The following IL34 variants were observed in gnomAD, a reference collection of about 807,000 sequenced individuals.
IL34 encodes interleukin-34.
IL34 carries 17 observed loss-of-function variants against 25.3 expected under a neutral mutation model. The observed-to-expected ratio is 0.67, with a 90% confidence interval of 0.46 to 1.01. IL34 has a LOEUF of 1.01. IL34 is among the 50% of genes least tolerant of loss of function. The pLI is 0.00. For missense variants in IL34, 368 were observed against 312.9 expected (o/e 1.18, Z -1.33); for synonymous variants, 174 against 140.9 (o/e 1.23, Z -1.66).
At chr16:70,609,039 A>ATT (rs533612107) in intron 1 of IL34, among the ~76,000 whole-genome samples, 1 of 151,814 alleles carries the variant, frequency 6.6e-6, no homozygotes, top group Non-Finnish European at 1.5e-5. Flanking sequence ...TAATTCTTTT[A>ATT]TTTTTTATTT....
intron 1 of IL34, among the ~76,000 whole-genome samples, chr16:70,625,534 C>T (rs2051373430): frequency 6.6e-6 from 1 of 152,072 alleles, no homozygotes; most frequent in South Asian, 2.1e-4. Context: ...GGGGAACTTG[C>T]CCCTCCCCCA....
chr16:70,653,488 C>G (rs1045898593), intron 1 of IL34, among the ~76,000 whole-genome samples: 5 of 152,052 alleles, frequency 3.3e-5, no homozygotes, highest in African/African-American at 1.2e-4. Flanking sequence ...TGCTTGAGCT[C>G]AGGAGTTCGA....
intron 1 of IL34, among the ~76,000 whole-genome samples, chr16:70,613,531 G>C (rs1055033432): frequency 6.6e-6 from 1 of 152,176 alleles, no homozygotes; most frequent in Non-Finnish European, 1.5e-5. Flanking sequence ...GGTACTCAAA[G>C]TGTGGTCTGC....
intron 1 of IL34, among the ~76,000 whole-genome samples, chr16:70,652,812 C>T (rs527611505): frequency 3.3e-5 from 5 of 152,298 alleles, no homozygotes; most frequent in East Asian, 1.9e-4. Flanking sequence ...GCGGATACTA[C>T]TAAATCGATT....
intron 1 of IL34, among the ~76,000 whole-genome samples, chr16:70,615,827 C>G (rs1330366522): frequency 6.6e-6 from 1 of 152,056 alleles, no homozygotes; most frequent in Admixed American, 6.6e-5. Flanking sequence ...GTGGTGCACA[C>G]CCGTGGTCTC....
chr16:70,599,809 G>C (rs1394285004), intron 1 of IL34, among the ~76,000 whole-genome samples: 1 of 151,764 alleles, frequency 6.6e-6, no homozygotes, highest in Non-Finnish European at 1.5e-5. Flanking sequence ...CAAGAAGCTA[G>C]AACCATAAGC....
chr16:70,650,609 A>G (rs1342106722), intron 1 of IL34, among the ~76,000 whole-genome samples: 1 of 152,188 alleles, frequency 6.6e-6, no homozygotes, highest in Non-Finnish European at 1.5e-5. Flanking sequence ...TTTTTAAAGA[A>G]AAGCTGAAAT....
chr16:70,650,911 A>G (rs112949831), intron 1 of IL34, among the ~76,000 whole-genome samples: 1 of 152,232 alleles, frequency 6.6e-6, no homozygotes, highest in South Asian at 2.1e-4. Context: ...TGGGCTGTGC[A>G]GTGTTTAACT....
At chr16:70,609,590 G>A (rs1039397202) in intron 1 of IL34, among the ~76,000 whole-genome samples, 3 of 152,188 alleles carry the variant, frequency 2.0e-5, no homozygotes, top group Admixed American at 1.3e-4. Flanking sequence ...CTGGCACCTG[G>A]GAAATGCTGG....
chr16:70,645,544 G>A (rs1039587712), upstream of IL34, among the ~76,000 whole-genome samples: 2 of 152,174 alleles, frequency 1.3e-5, 1 homozygote, highest in Admixed American at 1.3e-4. Flanking sequence ...GTCCAGAGGG[G>A]CAGATGGGAG....
chr16:70,620,562 G>T (rs1350941605), intron 1 of IL34, among the ~76,000 whole-genome samples: 1 of 152,152 alleles, frequency 6.6e-6, no homozygotes, highest in Non-Finnish European at 1.5e-5. Flanking sequence ...GAAAGACTCA[G>T]CGACACTTGG....
At chr16:70,653,346 C>CA (rs200626111) in intron 1 of IL34, among the ~76,000 whole-genome samples, 13,376 of 86,722 alleles carry the variant, frequency 0.15, 1,834 homozygotes, top group African/African-American at 0.38. Flanking sequence ...AACCCTGTCT[C>CA]AAAAAAAAAA....
chr16:70,629,042 A>C (rs1205894231), intron 1 of IL34, among the ~76,000 whole-genome samples: 4 of 152,128 alleles, frequency 2.6e-5, no homozygotes, highest in African/African-American at 7.2e-5. Flanking sequence ...CTCCCAAAGC[A>C]CTGAGATTAT....
intron 1 of IL34, among the ~76,000 whole-genome samples, chr16:70,592,293 G>A (rs1253056217): frequency 2.0e-5 from 3 of 152,120 alleles, no homozygotes; most frequent in Admixed American, 6.5e-5. Context: ...ACTGGAGCGG[G>A]TGCCTCCTGT....
chr16:70,625,148 C>T (rs556182483), intron 1 of IL34, among the ~76,000 whole-genome samples: 13 of 151,930 alleles, frequency 8.6e-5, no homozygotes, highest in Non-Finnish European at 1.3e-4. Flanking sequence ...GAAAATAAGG[C>T]GTTTAGGTTT....
chr16:70,631,926 C>CA (rs34372093), intron 1 of IL34, among the ~76,000 whole-genome samples: 24 of 149,180 alleles, frequency 1.6e-4, no homozygotes, highest in South Asian at 2.1e-4. Flanking sequence ...CCTGTCTCTA[C>CA]AAAAAAAAAA....
intron 1 of IL34, among the ~76,000 whole-genome samples, chr16:70,580,839 C>T (rs938853926): frequency 1.3e-4 from 20 of 150,680 alleles, no homozygotes; most frequent in Non-Finnish European, 2.4e-4. Context: ...GCAAAAAAGT[C>T]AACAGCATAG....
intron 1 of IL34, among the ~76,000 whole-genome samples, chr16:70,604,807 G>T (rs1356121591): frequency 6.6e-6 from 1 of 152,186 alleles, no homozygotes; most frequent in African/African-American, 2.4e-5. Flanking sequence ...AGCGGGGACC[G>T]AGGGCCTGGG....
At position 70,655,372 on chromosome 16, in the gene IL34, T is replaced by G. The variant is rs139841864; in HGVS notation, c.162+701T>G. On this transcript the variant is annotated intron_variant, in intron 2 of 5. Transcript: ENST00000288098. ...GGCCCTTTTTTTTTCTTTTTAATTT[T>G]TTAACTTTTCCTAAAAATCCTTTTC... Among the ~76,000 whole-genome samples, 921 of 151,004 alleles carry G rather than the reference T, an allele frequency of 6.1e-3. 4 individuals carry two copies. Among genetic ancestry groups the G allele is most frequent in the Middle Eastern group, 0.017 (5 of 288 alleles).
Sources: allele counts gnomAD v4.1 joint callset (sites outside exome capture counted in the v4.1 genomes callset), GRCh38; gene constraint gnomAD v4.1.1; transcripts MANE v1.5; gene names NCBI Gene and HGNC (gene_info 2026-07-23, HGNC 2026-07-21).